Variants in HESX1 observed in about 807,000 individuals in gnomAD.
HESX1 encodes the protein homeobox expressed in ES cells 1.
A neutral mutation model predicts 22.5 loss-of-function variants in HESX1; 11 were observed. The ratio of observed to expected loss-of-function variants is 0.49; its 90% CI spans 0.31 to 0.81. HESX1 has a LOEUF of 0.81. HESX1 is among the 30% of genes least tolerant of loss of function. The probability of loss-of-function intolerance (pLI) is 0.05; values close to 1 mark genes in which losing one functional copy is unlikely to be tolerated. For synonymous variants in HESX1, 74 were observed against 76.5 expected (o/e 0.97, Z 0.17); for missense variants, 201 against 212.6 (o/e 0.95, Z 0.34).
intron 1 of HESX1, among the ~76,000 whole-genome samples, chr3:57,213,674 C>G (rs2060568286): frequency 6.6e-6 from 1 of 152,168 alleles, no homozygotes; most frequent in Non-Finnish European, 1.5e-5. Context: ...CGCCTGTAAT[C>G]CCAGCACTTT....
intron 1 of HESX1, among the ~76,000 whole-genome samples, chr3:57,219,407 G>A (rs182638489): frequency 3.9e-4 from 59 of 149,772 alleles, no homozygotes; most frequent in East Asian, 1.6e-3. Flanking sequence ...TTGCTCTGTC[G>A]CCCAGGCTGG....
At chr3:57,198,552 G>C (rs1177513744) in intron 2 of HESX1, 60 bp from the exon 3 acceptor site, 2 of 1,122,416 alleles carry the variant, frequency 1.8e-6, no homozygotes, top group Non-Finnish European at 2.7e-6. Flanking sequence ...AATTTCTAGA[G>C]TAAAATGACT....
At chr3:57,209,671 C>CAAAAAAAAAAA (rs71088042) in intron 1 of HESX1, among the ~76,000 whole-genome samples, 2 of 82,134 alleles carry the variant, frequency 2.4e-5, no homozygotes, top group Non-Finnish European at 4.8e-5. Flanking sequence ...AGCTCCATCT[C>CAAAAAAAAAAA]AAAAAAAAAA....
At chr3:57,200,706 A>G (rs1489228496), upstream of HESX1, among the ~76,000 whole-genome samples, 1 of 152,214 alleles carries the variant, frequency 6.6e-6, no homozygotes, top group Non-Finnish European at 1.5e-5. Flanking sequence ...GTTCATATGT[A>G]ATCACCTTCA....
At chr3:57,198,981 A>G (rs1487476523) in intron 1 of HESX1, 29 bp from the exon 2 acceptor site, 2 of 1,584,462 alleles carry the variant, frequency 1.3e-6, no homozygotes, top group South Asian at 1.1e-5. Context: ...GCCCTGTCTT[A>G]GATGGTCAAT....
At chr3:57,222,936 G>A (rs2060623049) in intron 1 of HESX1, among the ~76,000 whole-genome samples, 1 of 151,746 alleles carries the variant, frequency 6.6e-6, no homozygotes, top group African/African-American at 2.4e-5. Flanking sequence ...AAAAATATTA[G>A]TTTTTAAAAA....
At chr3:57,219,328 A>G (rs1007885742) in intron 1 of HESX1, among the ~76,000 whole-genome samples, 1 of 151,978 alleles carries the variant, frequency 6.6e-6, no homozygotes, top group African/African-American at 2.4e-5. Flanking sequence ...GGCCACATGT[A>G]TGACATCTTC....
At chr3:57,206,116 A>G (rs1298652993) in intron 1 of HESX1, among the ~76,000 whole-genome samples, 2 of 152,174 alleles carry the variant, frequency 1.3e-5, no homozygotes, top group Non-Finnish European at 2.9e-5. Flanking sequence ...ACTTGAATCC[A>G]GGAGGCAGAG....
chr3:57,210,603 G>T (rs28464263), intron 1 of HESX1, among the ~76,000 whole-genome samples: 1 of 152,076 alleles, frequency 6.6e-6, no homozygotes, highest in Non-Finnish European at 1.5e-5. Flanking sequence ...TTACTGCAAT[G>T]CCTTCAGTGT....
intron 1 of HESX1, among the ~76,000 whole-genome samples, chr3:57,211,217 C>CAAAA: frequency 1.1e-5 from 1 of 88,208 alleles, no homozygotes; most frequent in East Asian, 3.3e-4. Flanking sequence ...AACTCCATCT[C>CAAAA]AAAAAAAAAA....
Position 57,198,023 on chromosome 3 carries a change from A to G in HESX1, c.*174T>C, listed in dbSNP as rs1037516852. On this transcript the variant is annotated 3_prime_UTR_variant, in exon 4 of 4. Transcript: ENST00000295934. ...TATATAAAAGGTCTTTACTATAACTAAAAGTGCCCAAATATGTACCATGCT... is the reference window on the plus strand; with the variant it reads ...TATATAAAAGGTCTTTACTATAACTGAAAGTGCCCAAATATGTACCATGCT... 3.2e-5 allele frequency: 17 copies of G among 534,862 alleles called. No individual in the cohort carries two copies. The highest frequency in any genetic ancestry group is 5.3e-5 in the Non-Finnish European group (16 of 300,322). The allele number at this position is 534,862 out of a possible 1,614,324, so 33.1% of individuals were successfully genotyped here.
At chr3:57,205,439 G>A (rs932578915) in intron 1 of HESX1, among the ~76,000 whole-genome samples, 3 of 152,076 alleles carry the variant, frequency 2.0e-5, no homozygotes, top group Non-Finnish European at 2.9e-5. Context: ...CCCATCTCAA[G>A]AAAAGTCAAA....
chr3:57,206,647 A>C (rs2060520908), intron 1 of HESX1, among the ~76,000 whole-genome samples: 1 of 152,242 alleles, frequency 6.6e-6, no homozygotes, highest in African/African-American at 2.4e-5. Flanking sequence ...GGTCGCCTCC[A>C]AGGGCAAATA....
chr3:57,197,888 C>T lies in HESX1; in HGVS notation c.*309G>A, dbSNP rs2107563347. 1 of 201,606 alleles carries T rather than the reference C, an allele frequency of 5.0e-6. No individual in the cohort carries two copies. Among genetic ancestry groups the T allele is most frequent in the Middle Eastern group, 2.0e-3 (1 of 512 alleles). The allele number at this position is 201,606 out of a possible 1,614,324, so 12.5% of individuals were successfully genotyped here. ...GAAATACTTTATAATTAGAATCCAGCTTGTGGAATCACTTAGTCATGAGTC... is the reference window on the plus strand; with the variant it reads ...GAAATACTTTATAATTAGAATCCAGTTTGTGGAATCACTTAGTCATGAGTC... On this transcript the variant is annotated 3_prime_UTR_variant, in exon 4 of 4. Coordinates refer to ENST00000295934, the MANE Select transcript of HESX1 (RefSeq NM_003865.3).
chr3:57,226,028 C>G (rs886372351), intron 1 of HESX1, among the ~76,000 whole-genome samples: 1 of 151,938 alleles, frequency 6.6e-6, no homozygotes, highest in African/African-American at 2.4e-5. Context: ...TACAGGCACG[C>G]CACCACGCCC....
chr3:57,208,944 A>T (rs2060535575), intron 1 of HESX1, among the ~76,000 whole-genome samples: 1 of 151,920 alleles, frequency 6.6e-6, no homozygotes, highest in East Asian at 2.0e-4. Context: ...TGGGTGACAG[A>T]GTGAGACTGT....
At chr3:57,198,628 T>C (rs945662764) in intron 2 of HESX1, 125 bp downstream of exon 2, 2 of 1,034,970 alleles carry the variant, frequency 1.9e-6, no homozygotes, top group African/African-American at 3.2e-5. Flanking sequence ...ATTGTTAAAA[T>C]ATGGTAGTCT....
intron 1 of HESX1, among the ~76,000 whole-genome samples, chr3:57,205,513 C>G (rs1469229218): frequency 6.6e-6 from 1 of 152,152 alleles, no homozygotes. Context: ...CTTGATCTCA[C>G]CTCCTACTCC....
chr3:57,211,527 C>CAAAAAAAAAAAAAAAAAAAAAAA lies in HESX1; in HGVS notation c.-110-11522_-110-11500dup, dbSNP rs61137408. Among the ~76,000 whole-genome samples the CAAAAAAAAAAAAAAAAAAAAAAA allele has an allele frequency of 6.3e-5, 2 of 31,982 alleles. 1 individual carries two copies. 21.0% of individuals were successfully genotyped at this position (31,982 alleles called of 152,430 possible). ...TCTGGGTGACAGAGAGAGACCTTGT[C>CAAAAAAAAAAAAAAAAAAAAAAA]AAAAAAAAAAAAAAAAAAAAAAAAG... On this transcript the variant is annotated intron_variant, in intron 1 of 2. Transcript: ENST00000495160.
Sources: allele counts gnomAD v4.1 joint callset (sites outside exome capture counted in the v4.1 genomes callset), GRCh38; gene constraint gnomAD v4.1.1; transcripts MANE v1.5; gene names NCBI Gene and HGNC (gene_info 2026-07-23, HGNC 2026-07-21).